The following ARHGAP29 variants were observed in gnomAD, a reference collection of about 807,000 sequenced individuals.
ARHGAP29 encodes rho GTPase-activating protein 29.
ARHGAP29 carries 43 observed loss-of-function variants against 122.6 expected under a neutral mutation model. The observed-to-expected ratio is 0.35, with a 90% CI of 0.27 to 0.45. ARHGAP29 has a LOEUF of 0.45. Ranked by LOEUF, ARHGAP29 falls within the 20% of genes least tolerant of loss-of-function variation. The pLI, the probability that ARHGAP29 is intolerant of heterozygous loss-of-function variation, is 1.00. For missense variants in ARHGAP29, 1,303 were observed against 1,477.2 expected (o/e 0.88, Z 1.93); for synonymous variants, 506 against 497.1 (o/e 1.02, Z -0.24).
intron 20 of ARHGAP29, 75 bp from the exon 21 acceptor site, chr1:94,178,242 G>T (rs1033895687): frequency 7.1e-6 from 10 of 1,402,880 alleles, no homozygotes; most frequent in Non-Finnish European, 9.7e-6. Flanking sequence ...CTATGGAATA[G>T]AGAGGGTGGA....
chr1:94,183,872 T>C (rs182562138), intron 19 of ARHGAP29, among the ~76,000 whole-genome samples: 44 of 152,260 alleles, frequency 2.9e-4, no homozygotes, highest in Non-Finnish European at 5.3e-4. Flanking sequence ...TTGGTGGAGT[T>C]AGGGGGATGT....
upstream of ARHGAP29, among the ~76,000 whole-genome samples, chr1:94,277,671 A>G (rs1248384818): frequency 6.6e-6 from 1 of 152,284 alleles, no homozygotes; most frequent in Admixed American, 6.5e-5. Flanking sequence ...TAGCATATAA[A>G]GAAGTTAATA....
At chr1:94,209,765 AT>A (rs1215810143) in intron 3 of ARHGAP29, among the ~76,000 whole-genome samples, 2 of 152,036 alleles carry the variant, frequency 1.3e-5, no homozygotes, top group Admixed American at 1.3e-4. Context: ...TGAAGGCAAT[AT>A]GAGGTACATT....
the ARHGAP29 span, among the ~76,000 whole-genome samples, chr1:94,310,811 C>T: frequency 1.3e-5 from 2 of 152,158 alleles, no homozygotes; most frequent in East Asian, 3.9e-4. Context: ...AGTCAAAGGC[C>T]CAGGCATGGG....
intron 11 of ARHGAP29, 100 bp from the exon 12 acceptor site, chr1:94,201,957 ATCT>A: frequency 8.5e-7 from 1 of 1,169,752 alleles, no homozygotes; most frequent in South Asian, 1.6e-5. Context: ...AAATTCTGAA[ATCT>A]TCTGTTTTCA....
At chr1:94,287,530 T>A in the ARHGAP29 span, among the ~76,000 whole-genome samples, 1 of 152,178 alleles carries the variant, frequency 6.6e-6, no homozygotes, top group South Asian at 2.1e-4. Flanking sequence ...ATACTTTAAG[T>A]TCTAGGATAC....
Position 94,190,029 on chromosome 1 carries a change from T to C in ARHGAP29, c.1336A>G (p.Ser446Gly), listed in dbSNP as rs768683730. The change falls in exon 13 of 23, where the codon AGT (serine) becomes GGT (glycine). Residue 446 changes from serine to glycine, a missense_variant. Coordinates refer to ENST00000260526, the MANE Select transcript of ARHGAP29 (RefSeq NM_004815.4). ...QHLQAASLAD[S>G]LQSLCDSAKL... ...GCACTATCACAGAGAGACTGTAAACTGTCTGCAAGGGAAGCAGCCTGCAGA... is the reference window on the plus strand; with the variant it reads ...GCACTATCACAGAGAGACTGTAAACCGTCTGCAAGGGAAGCAGCCTGCAGA... 1.9e-6 allele frequency: 3 copies of C among 1,613,496 alleles called. No homozygotes were observed. Among genetic ancestry groups the C allele is most frequent in the Non-Finnish European group, 2.5e-6 (3 of 1,179,616 alleles).
chr1:94,245,350 A>G (rs1178895525), intron 1 of ARHGAP29, among the ~76,000 whole-genome samples: 1 of 152,252 alleles, frequency 6.6e-6, no homozygotes, highest in African/African-American at 2.4e-5. Context: ...ATCAACAGAT[A>G]AACAAACTGT....
chr1:94,214,884 T>C (rs1030071510), intron 3 of ARHGAP29, among the ~76,000 whole-genome samples: 1 of 152,192 alleles, frequency 6.6e-6, no homozygotes, highest in African/African-American at 2.4e-5. Context: ...GCATCATGAC[T>C]GAGTATTCTA....
chr1:94,305,463 CACAGG>C, the ARHGAP29 span, among the ~76,000 whole-genome samples: 1 of 152,180 alleles, frequency 6.6e-6, no homozygotes, highest in African/African-American at 2.4e-5. Context: ...GGTCAGGAAA[CACAGG>C]TAAGGACCAG....
At chr1:94,238,049 C>G (rs1408837754), upstream of ARHGAP29, among the ~76,000 whole-genome samples, 2 of 137,164 alleles carry the variant, frequency 1.5e-5, no homozygotes, top group African/African-American at 5.6e-5. Context: ...TTAGGCCTAT[C>G]TGTATTTTTT....
intron 1 of ARHGAP29, among the ~76,000 whole-genome samples, chr1:94,231,936 T>C (rs1319447295): frequency 6.6e-6 from 1 of 152,142 alleles, no homozygotes; most frequent in African/African-American, 2.4e-5. Flanking sequence ...AAATTTGCCT[T>C]AAGCTCTCAA....
Position 94,208,823 on chromosome 1 carries a change from T to C in ARHGAP29, c.510+9A>G. The C allele has an allele frequency of 6.2e-7, 1 of 1,612,934 alleles. No homozygotes were observed. Among genetic ancestry groups the C allele is most frequent in the Non-Finnish European group, 8.5e-7 (1 of 1,179,034 alleles). On this transcript the variant is annotated intron_variant, in intron 5 of 22. Coordinates refer to ENST00000260526, the MANE Select transcript of ARHGAP29 (RefSeq NM_004815.4). ...TTAAAGACTTTGCTTTCACACAAACTTAGCTTACCTTAGTTTCTCGAGAAA... is the reference window on the plus strand; with the variant it reads ...TTAAAGACTTTGCTTTCACACAAACCTAGCTTACCTTAGTTTCTCGAGAAA...
intron 1 of ARHGAP29, among the ~76,000 whole-genome samples, chr1:94,233,044 G>A (rs551154535): frequency 3.2e-4 from 48 of 150,844 alleles, no homozygotes; most frequent in East Asian, 1.8e-3. Context: ...TCCTGGGCTC[G>A]GGCCATCTGC....
intron 19 of ARHGAP29, among the ~76,000 whole-genome samples, chr1:94,180,637 TG>T (rs1649395311): frequency 6.6e-6 from 1 of 152,196 alleles, no homozygotes. Context: ...TTTCCTCTGC[TG>T]GTCCTAGAGA....
At chr1:94,252,813 A>G (rs1285330128) in intron 1 of ARHGAP29, among the ~76,000 whole-genome samples, 1 of 152,168 alleles carries the variant, frequency 6.6e-6, no homozygotes, top group Non-Finnish European at 1.5e-5. Context: ...GATTCACCAA[A>G]TGGTGACTAG....
chr1:94,188,786 A>G, intron 15 of ARHGAP29, 51 bp downstream of exon 15: 1 of 1,426,664 alleles, frequency 7.0e-7, no homozygotes, highest in South Asian at 1.2e-5. Flanking sequence ...TACCTAAAAA[A>G]GGACTGATCT....
chr1:94,296,227 G>A, the ARHGAP29 span, among the ~76,000 whole-genome samples: 6 of 151,930 alleles, frequency 3.9e-5, no homozygotes, highest in African/African-American at 1.5e-4. Context: ...CCCATTGTCC[G>A]GCATATCCAC....
In ARHGAP29 at chr1:94,231,362, T is replaced by C. The variant is rs1055654015; in HGVS notation, c.205+45A>G. The C allele has an allele frequency of 1.2e-5, 18 of 1,545,962 alleles. No homozygotes were observed. The Admixed American group carries it at 3.0e-4, about 26-fold the overall frequency. On this transcript the variant is annotated intron_variant, in intron 2 of 22. Coordinates refer to ENST00000260526, the MANE Select transcript of ARHGAP29 (RefSeq NM_004815.4). ...TTATCTGCTAGGCCAGCATTTAAAA[T>C]TTTACAAACTATCCAGCAAGAATGC...
Sources: allele counts gnomAD v4.1 joint callset (sites outside exome capture counted in the v4.1 genomes callset), GRCh38; gene constraint gnomAD v4.1.1; transcripts MANE v1.5; gene names NCBI Gene and HGNC (gene_info 2026-07-23, HGNC 2026-07-21).